ARHGAP17: variants seen among roughly 807,000 people sequenced by gnomAD.
The protein encoded by ARHGAP17 is Rho GTPase activating protein 17.
Under a neutral mutation model 99.5 loss-of-function variants are expected in ARHGAP17, and 57 were observed. That is an observed-to-expected ratio of 0.57 (90% CI 0.46 to 0.71). The LOEUF is 0.71. ARHGAP17 is among the 30% of genes least tolerant of loss of function. ARHGAP17 has a pLI of 0.00. For missense variants in ARHGAP17, 1,000 were observed against 1,122.4 expected, an observed-to-expected ratio of 0.89 and a Z score of 1.56; for synonymous variants, 417 against 429.6, an observed-to-expected ratio of 0.97 and a Z score of 0.36.
chr16:24,935,138 C>T (rs2051100622), intron 18 of ARHGAP17, among the ~76,000 whole-genome samples: 1 of 152,188 alleles, frequency 6.6e-6, no homozygotes, highest in African/African-American at 2.4e-5. Flanking sequence ...AAGTGCCTCC[C>T]AGACCCACAA....
Position 24,939,557 on chromosome 16 carries a change from C to A in ARHGAP17, c.1531G>T (p.Gly511Cys). Reference sequence around the variant, plus strand: ...ATGTGCTTTCTATTTAGAGTGCCACCCCGCCGGTGGGCCTGGAAGTCCATA... The same window carrying A: ...ATGTGCTTTCTATTTAGAGTGCCACACCGCCGGTGGGCCTGGAAGTCCATA... Reference protein sequence around the residue: ...KLMDFQAHRRGGTLNRKHISP... With the variant: ...KLMDFQAHRRCGTLNRKHISP... Residue 511 changes from glycine (G) to cysteine (C), a missense_variant, in exon 17 of 20, where the codon GGT becomes TGT. Transcript: ENST00000289968. 6.2e-7 allele frequency: 1 copy of A among 1,607,726 alleles called. No individual in the cohort carries two copies. Among genetic ancestry groups the A allele is most frequent in the Non-Finnish European group, 8.5e-7 (1 of 1,177,906 alleles).
chr16:24,979,220 A>G (rs1005212528), intron 1 of ARHGAP17, among the ~76,000 whole-genome samples: 1 of 152,244 alleles, frequency 6.6e-6, no homozygotes. Context: ...ATAGCAGCCC[A>G]AAACAAGAAC....
chr16:24,944,945 GCCTCCCATTCACA>G (rs1479289050), intron 14 of ARHGAP17, among the ~76,000 whole-genome samples: 2 of 151,832 alleles, frequency 1.3e-5, no homozygotes, highest in African/African-American at 4.8e-5. Context: ...TGAAACCTGA[GCCTCCCATTCACA>G]CGTAAGGTCA....
Position 24,954,604 on chromosome 16 carries a change from T to A in ARHGAP17, c.851A>T (p.Glu284Val). 1 of 1,613,132 alleles carries A rather than the reference T, an allele frequency of 6.2e-7. No individual in the cohort carries two copies. Among genetic ancestry groups the A allele is most frequent in the Non-Finnish European group, 8.5e-7 (1 of 1,179,518 alleles). The change falls in exon 10 of 20, where the codon GAG becomes GTG. Residue 284 changes from glutamate (E) to valine (V), a missense_variant and splice_region_variant. Physicochemically the swap from Glu to Val is moderately radical, Grantham distance 121. Around this residue, in one of 2 missense-constraint regions of ARHGAP17, gnomAD observed 472 missense variants for 611.1 expected, o/e 0.77. Transcript: ENST00000289968. ...MLLLETGMKE[E>V]GLFRIGAGAS... is the part of the protein sequence containing the mutation. ...ACAGGATCACGAAGCTCCCCTCACC[T>A]CCTCCTTCATGCCTGTCTCCAGAAG...
chr16:24,983,787 G>T (rs977556890), intron 1 of ARHGAP17, among the ~76,000 whole-genome samples: 2 of 152,180 alleles, frequency 1.3e-5, no homozygotes, highest in Non-Finnish European at 2.9e-5. Context: ...TTACTCTGGG[G>T]TTTGTTTTTT....
At chr16:24,949,363 T>A (rs922924605) in intron 13 of ARHGAP17, 41 bp downstream of exon 13, 2 of 1,530,230 alleles carry the variant, frequency 1.3e-6, no homozygotes, top group Non-Finnish European at 1.8e-6. Flanking sequence ...GGCATTAAAC[T>A]TATCTTCACT....
intron 3 of ARHGAP17, among the ~76,000 whole-genome samples, chr16:24,972,405 G>T (rs957641792): frequency 6.6e-6 from 1 of 152,050 alleles, no homozygotes; most frequent in Non-Finnish European, 1.5e-5. Flanking sequence ...TTTTTGTAGA[G>T]ACAAGGTCTC....
chr16:24,968,586 C>T, intron 5 of ARHGAP17, 75 bp downstream of exon 5: 4 of 1,535,408 alleles, frequency 2.6e-6, no homozygotes, highest in Non-Finnish European at 3.6e-6. Context: ...CCAGCAACTA[C>T]TGTTAAAATT....
chr16:24,999,454 T>C (rs1377416542), intron 1 of ARHGAP17, among the ~76,000 whole-genome samples: 1 of 152,132 alleles, frequency 6.6e-6, no homozygotes, highest in Non-Finnish European at 1.5e-5. Flanking sequence ...TTTCACTCTG[T>C]CACCCAGGCT....
chr16:24,995,846 C>T (rs920917799), intron 1 of ARHGAP17, among the ~76,000 whole-genome samples: 3 of 152,258 alleles, frequency 2.0e-5, no homozygotes, highest in Middle Eastern at 3.4e-3. Context: ...GACAATGAAC[C>T]AACAAATAAA....
In ARHGAP17 at chr16:24,968,501, G is replaced by A. The variant is rs573011164; in HGVS notation, c.385-74C>T. ...TAACCATTTTAAAGTATTTACAAACGTTTTTTCTCTAAGGCAAAGGATTTT... is the reference window on the plus strand; with the variant it reads ...TAACCATTTTAAAGTATTTACAAACATTTTTTCTCTAAGGCAAAGGATTTT... On this transcript the variant is annotated intron_variant, in intron 5 of 19. Transcript: ENST00000289968. The A allele has an allele frequency of 1.0e-4, 164 of 1,577,726 alleles. No individual in the cohort carries two copies. In the African/African-American group the frequency reaches 1.8e-3, roughly 17 times the overall value.
At chr16:25,008,845 T>A (rs1042496063) in intron 1 of ARHGAP17, among the ~76,000 whole-genome samples, 1 of 150,064 alleles carries the variant, frequency 6.7e-6, no homozygotes, top group Non-Finnish European at 1.5e-5. Context: ...AGTTCATTTC[T>A]TCCCCCCAGT....
chr16:24,983,713 G>A (rs2052771585), intron 1 of ARHGAP17, among the ~76,000 whole-genome samples: 1 of 152,274 alleles, frequency 6.6e-6, no homozygotes, highest in Non-Finnish European at 1.5e-5. Context: ...AAACACACTT[G>A]AATGTTTCCT....
chr16:24,933,517 A>T (rs890471198), intron 18 of ARHGAP17, among the ~76,000 whole-genome samples: 2 of 152,014 alleles, frequency 1.3e-5, no homozygotes, highest in African/African-American at 4.8e-5. Context: ...AAAAGAAAAA[A>T]GGGTAAAGTC....
At chr16:24,969,077 A>G (rs1409222864) in intron 4 of ARHGAP17, among the ~76,000 whole-genome samples, 1 of 152,252 alleles carries the variant, frequency 6.6e-6, no homozygotes, top group Non-Finnish European at 1.5e-5. Context: ...AAGTGTTCAC[A>G]AAATACTCTG....
At chr16:24,924,157 T>TGCCTTCCTTCACCAGTGAAC (rs1290576780) in intron 19 of ARHGAP17, among the ~76,000 whole-genome samples, 1 of 152,170 alleles carries the variant, frequency 6.6e-6, no homozygotes, top group Non-Finnish European at 1.5e-5. Context: ...TCTCAGGGAA[T>TGCCTTCCTTCACCAGTGAAC]GCCTTCCTTC....
chr16:25,005,550 T>C (rs992328592), intron 1 of ARHGAP17, among the ~76,000 whole-genome samples: 1 of 152,248 alleles, frequency 6.6e-6, no homozygotes, highest in African/African-American at 2.4e-5. Context: ...TTTGTAGCTC[T>C]GTCTCCACAT....
At chr16:24,943,683 G>A (rs949209854) in intron 15 of ARHGAP17, 88 bp downstream of exon 15, 3 of 1,132,282 alleles carry the variant, frequency 2.6e-6, no homozygotes, top group Non-Finnish European at 3.9e-6. Flanking sequence ...TAATCATGAA[G>A]AAGGATTACA....
At chr16:25,012,072 C>T (rs1321887073) in intron 1 of ARHGAP17, among the ~76,000 whole-genome samples, 2 of 152,108 alleles carry the variant, frequency 1.3e-5, no homozygotes, top group Non-Finnish European at 2.9e-5. Context: ...AAACCATGCC[C>T]GTATTCACCT....
Sources: gnomAD v4.1 joint callset for allele counts (sites outside exome capture counted in the v4.1 genomes callset) on GRCh38, gnomAD v4.1.1 for gene constraint, gnomAD v4.1.1 regional missense constraint, MANE v1.5 for transcripts, NCBI Gene and HGNC (gene_info 2026-07-23, HGNC 2026-07-21) for gene names.